The following NUBPL variants were observed in gnomAD, a reference collection of about 807,000 sequenced individuals.
NUBPL encodes the protein iron-sulfur cluster transfer protein NUBPL.
In NUBPL, 31 loss-of-function variants were observed where a neutral mutation model predicts 45.7. The ratio of observed to expected loss-of-function variants is 0.68; its 90% CI spans 0.51 to 0.92. The LOEUF is 0.92. NUBPL is among the 40% of genes least tolerant of loss of function. NUBPL has a pLI of 0.00. For synonymous variants in NUBPL, 144 were observed against 140.9 expected, an observed-to-expected ratio of 1.02 and a Z score of -0.15; for missense variants, 401 against 398.7, an observed-to-expected ratio of 1.01 and a Z score of -0.05.
intron 4 of NUBPL, among the ~76,000 whole-genome samples, chr14:31,634,553 G>A (rs1345354800): frequency 6.6e-6 from 1 of 152,016 alleles, no homozygotes; most frequent in East Asian, 1.9e-4. Flanking sequence ...AAACATACGT[G>A]TTCATGTGTC....
rs550815093 is a variant in NUBPL at position 31,747,534 on chromosome 14, A to G, written c.514-40246A>G. On this transcript the variant is annotated intron_variant, in intron 6 of 10. Transcript: ENST00000281081. ...AGGTTTGTTGTTTCTTTCTGGTTCAATCTTGGTAGGTTGTATTTTTCCAGG... is the reference window on the plus strand; with the variant it reads ...AGGTTTGTTGTTTCTTTCTGGTTCAGTCTTGGTAGGTTGTATTTTTCCAGG... Among the ~76,000 whole-genome samples the G allele has an allele frequency of 9.2e-5, 14 of 152,144 alleles. 1 individual carries two copies. In the South Asian group the frequency reaches 2.3e-3, roughly 25 times the overall value.
At chr14:31,686,852 A>C (rs1025992170) in intron 6 of NUBPL, 7 of 152,268 alleles carry the variant, frequency 4.6e-5, no homozygotes, top group African/African-American at 1.7e-4. Context: ...ACTGTGGCTC[A>C]CACCTGTAAT....
intron 6 of NUBPL, among the ~76,000 whole-genome samples, chr14:31,721,561 T>C (rs973772628): frequency 2.0e-5 from 3 of 152,072 alleles, no homozygotes; most frequent in Admixed American, 6.5e-5. Flanking sequence ...TTTCATAAGG[T>C]CACATATAGC....
At chr14:31,687,920 T>C (rs1375658964) in intron 6 of NUBPL, among the ~76,000 whole-genome samples, 1 of 152,140 alleles carries the variant, frequency 6.6e-6, no homozygotes, top group Non-Finnish European at 1.5e-5. Context: ...CTAAGGACCA[T>C]TGTGAGAAAA....
intron 6 of NUBPL, among the ~76,000 whole-genome samples, chr14:31,690,889 T>C (rs560971053): frequency 6.6e-6 from 1 of 152,282 alleles, no homozygotes; most frequent in Non-Finnish European, 1.5e-5. Flanking sequence ...GAGGAAGAAT[T>C]AGTAGAAGAA....
At chr14:31,700,556 G>T (rs1281133462) in intron 6 of NUBPL, among the ~76,000 whole-genome samples, 3 of 152,138 alleles carry the variant, frequency 2.0e-5, no homozygotes, top group Non-Finnish European at 4.4e-5. Context: ...GAGAGGTGTG[G>T]GTGGGAACCG....
At chr14:31,799,400 A>T (rs747179138) in intron 7 of NUBPL, among the ~76,000 whole-genome samples, 3 of 152,186 alleles carry the variant, frequency 2.0e-5, no homozygotes, top group Non-Finnish European at 2.9e-5. Flanking sequence ...TACCTTACTA[A>T]ACATCCCTGC....
chr14:31,807,718 G>A (rs1001952275), intron 7 of NUBPL, among the ~76,000 whole-genome samples: 5 of 152,110 alleles, frequency 3.3e-5, no homozygotes, highest in East Asian at 1.9e-4. Flanking sequence ...CCTCAATGGC[G>A]TTGCCTAGGT....
rs376547407 is a variant in NUBPL, at chr14:31,811,798, G to GT, written c.608-14824dup. ...TTGATGATGTTGACCTACAGATGGGGTTTTTTTGTGGATGTCCTTTTTGTT... is the reference window on the plus strand; with the variant it reads ...TTGATGATGTTGACCTACAGATGGGGTTTTTTTTGTGGATGTCCTTTTTGTT... On this transcript the variant is annotated intron_variant, in intron 7 of 10. Coordinates refer to ENST00000281081, the MANE Select transcript of NUBPL (RefSeq NM_025152.3). Among the ~76,000 whole-genome samples, 280 of 152,150 alleles carry GT rather than the reference G, an allele frequency of 1.8e-3. 1 individual carries two copies. The highest frequency in any genetic ancestry group is 6.4e-3 in the African/African-American group (266 of 41,510).
chr14:31,682,675 A>G (rs1001709556), intron 6 of NUBPL, among the ~76,000 whole-genome samples: 6 of 151,962 alleles, frequency 3.9e-5, no homozygotes, highest in Non-Finnish European at 7.4e-5. Context: ...CCCTCTTGGT[A>G]TTATTATTCT....
chr14:31,576,751 A>C (rs1004688891), intron 3 of NUBPL, among the ~76,000 whole-genome samples: 3 of 152,214 alleles, frequency 2.0e-5, no homozygotes, highest in Non-Finnish European at 2.9e-5. Flanking sequence ...TATTCCTAGC[A>C]CATGGTCTTG....
intron 3 of NUBPL, among the ~76,000 whole-genome samples, chr14:31,567,936 T>G (rs150187323): frequency 3.3e-5 from 5 of 152,350 alleles, no homozygotes; most frequent in Non-Finnish European, 7.3e-5. Context: ...GGATCTAGAA[T>G]TTTCCACTTC....
chr14:31,593,031 A>C (rs538749328), intron 3 of NUBPL, among the ~76,000 whole-genome samples: 1 of 152,344 alleles, frequency 6.6e-6, no homozygotes, highest in African/African-American at 2.4e-5. Context: ...TGTGGATCAA[A>C]AATATTTTTA....
chr14:31,657,243 T>A (rs1054055529), intron 4 of NUBPL, among the ~76,000 whole-genome samples: 5 of 152,252 alleles, frequency 3.3e-5, no homozygotes, highest in Non-Finnish European at 5.9e-5. Flanking sequence ...CATTGATGAC[T>A]GTGCTTTTTA....
At chr14:31,608,076 A>C (rs2034650329) in intron 4 of NUBPL, among the ~76,000 whole-genome samples, 1 of 152,212 alleles carries the variant, frequency 6.6e-6, no homozygotes, top group South Asian at 2.1e-4. Flanking sequence ...AGGCCAAGAG[A>C]GAATGGCATG....
In NUBPL at chr14:31,856,706, G is replaced by A. The variant is rs117054611; in HGVS notation, c.898-2412G>A. Among the ~76,000 whole-genome samples the A allele has an allele frequency of 1.2e-3, 183 of 152,314 alleles. 3 individuals carry two copies. The East Asian group carries it at 0.023, about 19-fold the overall frequency. ...CAGGCCCCATGCAAGTCTGCAATCT[G>A]GTGGGACAGTCAAAGCTTAAAGCTC... On this transcript the variant is annotated intron_variant, in intron 10 of 10. Transcript: ENST00000281081.
rs532739256 is a variant in NUBPL, at chr14:31,671,555, A to G, written c.383-1800A>G. 3.3e-5 allele frequency among the ~76,000 whole-genome samples: 5 copies of G among 152,346 alleles called. No homozygotes were observed. In the South Asian group the frequency reaches 8.3e-4, roughly 25 times the overall value. On this transcript the variant is annotated intron_variant, in intron 4 of 10. Coordinates refer to ENST00000281081, the MANE Select transcript of NUBPL (RefSeq NM_025152.3). ...TGATAGTTCAGATTCTTTAATCTGT[A>G]TTCATATGGTAATTGAAGAAAATGG...
intron 7 of NUBPL, among the ~76,000 whole-genome samples, chr14:31,819,608 C>A (rs1453577859): frequency 6.6e-6 from 1 of 152,114 alleles, no homozygotes. Flanking sequence ...TGAACTCTGA[C>A]CCAAATCCAC....
chr14:31,612,032 A>C (rs1183187744), intron 4 of NUBPL, among the ~76,000 whole-genome samples: 1 of 152,234 alleles, frequency 6.6e-6, no homozygotes, highest in Non-Finnish European at 1.5e-5. Flanking sequence ...GCAATACCCA[A>C]CAAGCACAGG....
Sources: gnomAD v4.1 joint callset for allele counts (sites outside exome capture counted in the v4.1 genomes callset) on GRCh38, gnomAD v4.1.1 for gene constraint, MANE v1.5 for transcripts, NCBI Gene and HGNC (gene_info 2026-07-23, HGNC 2026-07-21) for gene names.